Variants in SCAI observed in about 807,000 individuals in gnomAD.
SCAI encodes the protein protein SCAI.
Under a neutral mutation model 92.2 loss-of-function variants are expected in SCAI, and 24 were observed. The observed-to-expected ratio is 0.26, with a 90% CI of 0.19 to 0.37. The LOEUF (loss-of-function observed/expected upper bound fraction) is 0.37. Ranked by LOEUF, SCAI falls within the 10% of genes least tolerant of loss-of-function variation. SCAI has a pLI of 1.00. For synonymous variants in SCAI, 261 were observed against 258.6 expected, an observed-to-expected ratio of 1.01 and a Z score of -0.09; for missense variants, 450 against 736.2, an observed-to-expected ratio of 0.61 and a Z score of 4.50.
At chr9:125,010,412 C>T (rs1439706149) in intron 9 of SCAI, among the ~76,000 whole-genome samples, 2 of 152,206 alleles carry the variant, frequency 1.3e-5, no homozygotes, top group Non-Finnish European at 2.9e-5. Context: ...CCTACACCCA[C>T]GGAGTCTCGC....
chr9:125,009,574 C>T (rs1832588102), intron 9 of SCAI, among the ~76,000 whole-genome samples: 1 of 152,076 alleles, frequency 6.6e-6, no homozygotes, highest in African/African-American at 2.4e-5. Context: ...GTCACCACGC[C>T]CAGCCCAGGG....
chr9:125,007,991 G>A (rs921848187), intron 9 of SCAI, among the ~76,000 whole-genome samples: 10 of 151,200 alleles, frequency 6.6e-5, no homozygotes, highest in Non-Finnish European at 1.2e-4. Flanking sequence ...GACTACAGGC[G>A]CCCGCCACCA....
At chr9:125,020,044 A>C (rs1046314250) in intron 7 of SCAI, among the ~76,000 whole-genome samples, 1 of 148,508 alleles carries the variant, frequency 6.7e-6, no homozygotes, top group Non-Finnish European at 1.5e-5. Context: ...ACTGTACTCC[A>C]GCTGGATGAC....
At chr9:125,059,253 G>A (rs1461330892) in intron 2 of SCAI, among the ~76,000 whole-genome samples, 1 of 152,164 alleles carries the variant, frequency 6.6e-6, no homozygotes, top group Non-Finnish European at 1.5e-5. Context: ...ACAAAACCAA[G>A]TTGGGGGACA....
chr9:125,109,330 C>T (rs938799198), intron 2 of SCAI, among the ~76,000 whole-genome samples: 3 of 151,742 alleles, frequency 2.0e-5, no homozygotes, highest in East Asian at 1.9e-4. Flanking sequence ...TCCCCCTCTG[C>T]GAGAAACACC....
At chr9:125,141,255 A>G (rs1835659408) in intron 2 of SCAI, among the ~76,000 whole-genome samples, 1 of 152,212 alleles carries the variant, frequency 6.6e-6, no homozygotes, top group Admixed American at 6.5e-5. Context: ...GTACAGGCCT[A>G]AAGTGTGACA....
intron 4 of SCAI, among the ~76,000 whole-genome samples, chr9:125,029,377 C>T (rs1833026409): frequency 6.6e-6 from 1 of 152,152 alleles, no homozygotes; most frequent in African/African-American, 2.4e-5. Context: ...CCACCTTGGC[C>T]TCCCAAAGTG....
intron 2 of SCAI, among the ~76,000 whole-genome samples, chr9:125,105,551 T>C (rs1480344739): frequency 1.3e-5 from 2 of 152,238 alleles, no homozygotes; most frequent in African/African-American, 4.8e-5. Flanking sequence ...TTAAAGTCCT[T>C]CAGGTTCCAA....
intron 9 of SCAI, chr9:125,003,814 C>T (rs565302575): frequency 4.5e-6 from 2 of 446,188 alleles, no homozygotes; most frequent in Non-Finnish European, 8.0e-6. Flanking sequence ...TTTTCACATA[C>T]CTCTCCAGCC....
chr9:125,042,863 T>TC (rs1833354586), intron 3 of SCAI, among the ~76,000 whole-genome samples: 2 of 104,860 alleles, frequency 1.9e-5, no homozygotes, highest in African/African-American at 8.0e-5. Flanking sequence ...CCTGGCTTTT[T>TC]TTTTTTTTTT....
At chr9:125,004,779 A>ATTTTTTTT in intron 9 of SCAI, among the ~76,000 whole-genome samples, 8 of 13,170 alleles carry the variant, frequency 6.1e-4, no homozygotes, top group Non-Finnish European at 9.9e-4. Context: ...ATATATATAT[A>ATTTTTTTT]TTTTTTTTTT....
At position 125,038,150 on chromosome 9, in the gene SCAI, G is replaced by A. The variant is rs796240961; in HGVS notation, c.231-8411C>T. Reference sequence around the variant, plus strand: ...CACAGGCCTGTAGTGCTAGCTACTCGGGGAGCTGAGGTGGGAGGATCAATT... The same window carrying A: ...CACAGGCCTGTAGTGCTAGCTACTCAGGGAGCTGAGGTGGGAGGATCAATT... On this transcript the variant is annotated intron_variant, in intron 3 of 17. Coordinates refer to ENST00000336505, the MANE Select transcript of SCAI (RefSeq NM_001144877.3). Among the ~76,000 whole-genome samples, 18 of 152,196 alleles carry A rather than the reference G, an allele frequency of 1.2e-4. No homozygotes were observed. The South Asian group carries it at 2.9e-3, about 25-fold the overall frequency.
intron 2 of SCAI, among the ~76,000 whole-genome samples, chr9:125,060,732 C>T (rs904735056): frequency 2.0e-5 from 3 of 152,284 alleles, no homozygotes; most frequent in East Asian, 1.9e-4. Flanking sequence ...AAGCACCTTT[C>T]GCCTCCTATC....
intron 2 of SCAI, among the ~76,000 whole-genome samples, chr9:125,084,355 A>G (rs923017762): frequency 6.6e-6 from 1 of 151,740 alleles, no homozygotes; most frequent in Non-Finnish European, 1.5e-5. Flanking sequence ...TATTTTTAGT[A>G]GAGACGGGGT....
At chr9:125,100,313 T>C (rs1394120839) in intron 2 of SCAI, among the ~76,000 whole-genome samples, 1 of 152,242 alleles carries the variant, frequency 6.6e-6, no homozygotes, top group African/African-American at 2.4e-5. Context: ...CTGTTTATTA[T>C]GCACCAGATT....
intron 6 of SCAI, among the ~76,000 whole-genome samples, chr9:125,024,276 A>AT (rs1360032665): frequency 3.4e-5 from 5 of 148,852 alleles, no homozygotes; most frequent in African/African-American, 1.2e-4. Flanking sequence ...CTTTTTATGA[A>AT]GTTTTTTTTT....
intron 2 of SCAI, among the ~76,000 whole-genome samples, chr9:125,131,567 T>C (rs1016962469): frequency 6.6e-6 from 1 of 152,186 alleles, no homozygotes; most frequent in African/African-American, 2.4e-5. Context: ...TCTTTTTGAA[T>C]GCCCTTGAAA....
chr9:125,081,597 T>C (rs1834220186), intron 2 of SCAI, among the ~76,000 whole-genome samples: 2 of 152,102 alleles, frequency 1.3e-5, no homozygotes, highest in South Asian at 4.1e-4. Flanking sequence ...TTTGGAGATG[T>C]AGTTTTGCTC....
In SCAI at chr9:124,969,545, T is replaced by G. The variant is rs142210613; in HGVS notation, c.1674+1825A>C. Among the ~76,000 whole-genome samples the G allele has an allele frequency of 1.1e-3, 168 of 152,314 alleles. 1 individual carries two copies. Among genetic ancestry groups the G allele is most frequent in the Middle Eastern group, 3.4e-3 (1 of 294 alleles). ...AACACATATGAGAAGTTGCTCAACC[T>G]TAACAGTAATCCTCGAAATAAAAAT... On this transcript the variant is annotated intron_variant, in intron 17 of 17. Transcript: ENST00000336505.
Sources: allele counts gnomAD v4.1 joint callset (sites outside exome capture counted in the v4.1 genomes callset), GRCh38; gene constraint gnomAD v4.1.1; transcripts MANE v1.5; gene names NCBI Gene and HGNC (gene_info 2026-07-23, HGNC 2026-07-21).